The following CEP57 variants were observed in gnomAD, a reference collection of about 807,000 sequenced individuals.
CEP57 encodes the protein centrosomal protein of 57 kDa.
In CEP57, 40 loss-of-function variants were observed where a neutral mutation model predicts 68.0. That is an observed-to-expected ratio of 0.59 (90% CI 0.46 to 0.77). The LOEUF (loss-of-function observed/expected upper bound fraction) is 0.77. Ranked by LOEUF, CEP57 falls within the 30% of genes least tolerant of loss-of-function variation. The pLI is 0.00. For synonymous variants in CEP57, 219 were observed against 198.7 expected (o/e 1.10, Z -0.86); for missense variants, 606 against 580.7 (o/e 1.04, Z -0.45).
rs1565329244 is a variant in CEP57, at chr11:95,821,870, G to C, written c.700-1G>C. 3.1e-6 allele frequency: 5 copies of C among 1,601,394 alleles called. No homozygotes were observed. Among genetic ancestry groups the C allele is most frequent in the Non-Finnish European group, 8.5e-7 (1 of 1,170,248 alleles). ...TAACTTGAGGCTCTCATTTTTCCTA[G>C]TTGCAGACTGGTCTAGAAACAAATA... On this transcript the variant is annotated splice_acceptor_variant, in intron 6 of 10. Transcript: ENST00000325542. LOFTEE classifies it high-confidence loss of function.
intron 2 of CEP57, among the ~76,000 whole-genome samples, chr11:95,800,953 G>A (rs541394086): frequency 5.9e-5 from 9 of 151,566 alleles, no homozygotes; most frequent in African/African-American, 2.2e-4. Flanking sequence ...TTTGAAAGTT[G>A]TGTTTAATCA....
At chr11:95,810,859 T>TA (rs1442754497) in intron 2 of CEP57, among the ~76,000 whole-genome samples, 3 of 152,154 alleles carry the variant, frequency 2.0e-5, no homozygotes, top group African/African-American at 7.2e-5. Flanking sequence ...TTAAAGTTCA[T>TA]ACAGCACCAA....
chr11:95,813,511 A>G lies in CEP57; in HGVS notation c.426A>G (p.Leu142=), dbSNP rs148894464. Residue 142 remains leucine (L), a synonymous_variant, in exon 4 of 11, where the codon CTA becomes CTG. Coordinates refer to ENST00000325542, the MANE Select transcript of CEP57 (RefSeq NM_014679.5). The stretch of plus-strand genomic sequence containing the variant: ...TAGCTGCAGAAAATAAATGCAATCT[A>G]TTAGAAAAACAATTGGAATACATGC... The part of the protein sequence containing the change: ...QLLAAENKCN[L]LEKQLEYMRN... 107 of 1,613,030 alleles carry G rather than the reference A, an allele frequency of 6.6e-5. 1 individual carries two copies. The East Asian group carries it at 8.7e-4, about 13-fold the overall frequency.
At chr11:95,819,247 T>C (rs1862426292) in intron 6 of CEP57, among the ~76,000 whole-genome samples, 1 of 152,250 alleles carries the variant, frequency 6.6e-6, no homozygotes, top group Non-Finnish European at 1.5e-5. Context: ...CTTTCAGTAT[T>C]GTACTTATAG....
intron 1 of CEP57, among the ~76,000 whole-genome samples, chr11:95,791,231 C>T (rs1231484787): frequency 1.3e-5 from 2 of 152,208 alleles, no homozygotes; most frequent in African/African-American, 2.4e-5. Flanking sequence ...CTCCCACTCC[C>T]ATCCACATTA....
chr11:95,795,292 T>A (rs1490231939), intron 1 of CEP57, among the ~76,000 whole-genome samples: 2 of 152,196 alleles, frequency 1.3e-5, no homozygotes, highest in Non-Finnish European at 2.9e-5. Context: ...TCTTGTATAT[T>A]GTTCAGTTTA....
intron 7 of CEP57, 174 bp downstream of exon 7, chr11:95,822,152 TAGTG>T (rs1314424928): frequency 6.4e-6 from 4 of 625,900 alleles, no homozygotes; most frequent in South Asian, 1.9e-5. Flanking sequence ...TTTATCCTGA[TAGTG>T]AGAAAATATA....
intron 9 of CEP57, among the ~76,000 whole-genome samples, chr11:95,828,337 G>T (rs1862845107): frequency 6.6e-6 from 1 of 152,142 alleles, no homozygotes; most frequent in South Asian, 2.1e-4. Flanking sequence ...ATCATTAGGC[G>T]ATTTTCTTTT....
At chr11:95,817,164 G>A (rs996686882) in intron 4 of CEP57, among the ~76,000 whole-genome samples, 3 of 151,138 alleles carry the variant, frequency 2.0e-5, no homozygotes, top group Non-Finnish European at 2.9e-5. Context: ...TCAGGAGAGC[G>A]AGACCATCCT....
chr11:95,829,432 A>T, intron 10 of CEP57, 101 bp downstream of exon 10: 1 of 1,205,136 alleles, frequency 8.3e-7, no homozygotes, highest in Non-Finnish European at 1.2e-6. Context: ...ATAGATAAAT[A>T]TCTACAGGAG....
chr11:95,799,484 A>G (rs1861484630), intron 2 of CEP57, 96 bp downstream of exon 2: 5 of 1,437,518 alleles, frequency 3.5e-6, no homozygotes, highest in Admixed American at 1.7e-5. Flanking sequence ...AGAGGAAAAT[A>G]TATTTCCCCT....
At position 95,791,212 on chromosome 11, in the gene CEP57, C is replaced by T. The variant is rs552445634; in HGVS notation, c.45+469C>T. 2.1e-3 allele frequency among the ~76,000 whole-genome samples: 321 copies of T among 152,330 alleles called. 1 individual carries two copies. Among genetic ancestry groups the T allele is most frequent in the Admixed American group, 5.1e-3 (78 of 15,308 alleles). On this transcript the variant is annotated intron_variant, in intron 1 of 10. Coordinates refer to ENST00000325542, the MANE Select transcript of CEP57 (RefSeq NM_014679.5). ...TCGTTGCTTATGCTGTTTCCTATCC[C>T]TGCAGTGCCTCCCACTCCCATCCAC...
chr11:95,792,810 CGT>C (rs1456120110), intron 1 of CEP57, among the ~76,000 whole-genome samples: 2 of 151,754 alleles, frequency 1.3e-5, no homozygotes, highest in African/African-American at 4.8e-5. Flanking sequence ...TTTCTTGGTG[CGT>C]AAGAAAACGT....
chr11:95,825,927 CT>C (rs1264126067), intron 8 of CEP57: 1 of 152,172 alleles, frequency 6.6e-6, no homozygotes, highest in East Asian at 1.9e-4. Context: ...CTGCTTTTGA[CT>C]TTTACGACAT....
chr11:95,806,041 C>A (rs1400219945), intron 2 of CEP57, among the ~76,000 whole-genome samples: 3 of 152,136 alleles, frequency 2.0e-5, no homozygotes, highest in African/African-American at 7.2e-5. Flanking sequence ...GGAGGAAACA[C>A]CACACCCAAG....
chr11:95,812,952 A>G lies in CEP57; in HGVS notation c.223A>G (p.Asn75Asp), dbSNP rs200595794. Reference protein sequence around the residue: ...NSRAIFSALKNLQDKIRRLEL... With the variant: ...NSRAIFSALKDLQDKIRRLEL... ...GGCAGCCATATTTTCTGCTCTTAAGAATCTTCAAGATAAGATTCGACGCTT... is the reference window on the plus strand; with the variant it reads ...GGCAGCCATATTTTCTGCTCTTAAGGATCTTCAAGATAAGATTCGACGCTT... Residue 75 changes from asparagine to aspartate, a missense_variant, in exon 3 of 11, where the codon AAT becomes GAT. Asn to Asp is a conservative substitution (Grantham distance 23, BLOSUM62 1). Transcript: ENST00000325542. 1 of 1,614,032 alleles carries G rather than the reference A, an allele frequency of 6.2e-7. No homozygotes were observed. Among genetic ancestry groups the G allele is most frequent in the East Asian group, 2.2e-5 (1 of 44,856 alleles).
intron 2 of CEP57, among the ~76,000 whole-genome samples, 165 bp downstream of exon 2, chr11:95,799,553 T>C (rs1298567119): frequency 1.3e-5 from 2 of 152,246 alleles, no homozygotes; most frequent in African/African-American, 4.8e-5. Context: ...CTTATATTGA[T>C]TGTTGAACAT....
intron 6 of CEP57, among the ~76,000 whole-genome samples, chr11:95,820,631 TG>T (rs1862483329): frequency 6.6e-6 from 1 of 150,554 alleles, no homozygotes; most frequent in African/African-American, 2.4e-5. Context: ...GGTGTTGGTG[TG>T]ATCAAATGAG....
At position 95,813,715 on chromosome 11, in the gene CEP57, C is replaced by T. The variant is rs1007361911; in HGVS notation, c.504+126C>T. ...ACAGCCCAGGACTGAAATTTCTTGG[C>T]ATCAGTTATGAAATCTAAATATGTG... is the stretch of plus-strand genomic sequence containing the variant. On this transcript the variant is annotated intron_variant, in intron 4 of 10. Transcript: ENST00000325542. 1.1e-5 allele frequency: 12 copies of T among 1,122,426 alleles called. 1 individual carries two copies. In the Admixed American group the frequency reaches 2.5e-4, roughly 23 times the overall value. 69.5% of individuals were successfully genotyped at this position (1,122,426 alleles called of 1,614,324 possible). A position where few individuals can be genotyped will look rare whatever the true frequency, so the allele number is the denominator to read the frequency against.
Sources: gnomAD v4.1 joint callset for allele counts (sites outside exome capture counted in the v4.1 genomes callset) on GRCh38, gnomAD v4.1.1 for gene constraint, MANE v1.5 for transcripts, NCBI Gene and HGNC (gene_info 2026-07-23, HGNC 2026-07-21) for gene names.